MFAP1: variants seen among roughly 807,000 people sequenced by gnomAD.
The protein encoded by MFAP1 is microfibrillar-associated protein 1.
MFAP1 carries 18 observed loss-of-function variants against 62.2 expected under a neutral mutation model. The observed-to-expected ratio is 0.29, with a 90% CI of 0.20 to 0.43. MFAP1 has a LOEUF of 0.43. Among genes scored for constraint, MFAP1 ranks in the 20% least tolerant of loss-of-function variants. The pLI, the probability that MFAP1 is intolerant of heterozygous loss-of-function variation, is 1.00. For missense variants in MFAP1, 355 were observed against 559.7 expected (o/e 0.63, Z 3.69); for synonymous variants, 175 against 180.4 (o/e 0.97, Z 0.24).
At chr15:43,806,746 C>A (rs1286703323) in intron 7 of MFAP1, among the ~76,000 whole-genome samples, 1 of 152,156 alleles carries the variant, frequency 6.6e-6, no homozygotes, top group Non-Finnish European at 1.5e-5. Flanking sequence ...GTGGCGCGCA[C>A]CTGTAATCTC....
intron 4 of MFAP1, 149 bp from the exon 5 acceptor site, chr15:43,813,506 G>GT: frequency 9.8e-6 from 5 of 512,436 alleles, no homozygotes; most frequent in South Asian, 6.0e-5. Flanking sequence ...GTCATCCCAG[G>GT]TCTTTTTTTT....
intron 1 of MFAP1, among the ~76,000 whole-genome samples, chr15:43,820,134 G>A (rs762817456): frequency 1.3e-5 from 2 of 151,794 alleles, no homozygotes; most frequent in African/African-American, 2.4e-5. Context: ...GCAAGAGAGC[G>A]AGACTCCGTC....
At chr15:43,809,353 G>C (rs1043472135) in intron 7 of MFAP1, among the ~76,000 whole-genome samples, 1 of 141,512 alleles carries the variant, frequency 7.1e-6, no homozygotes, top group Non-Finnish European at 1.5e-5. Context: ...AAAAAAAAAA[G>C]CCAGGCATGG....
intron 1 of MFAP1, among the ~76,000 whole-genome samples, chr15:43,820,652 G>A (rs1222701588): frequency 6.6e-6 from 1 of 152,080 alleles, no homozygotes; most frequent in Non-Finnish European, 1.5e-5. Context: ...GTTGCCTAGG[G>A]TGGAGTGCGG....
At chr15:43,821,823 CAATAT>C (rs777755532) in intron 1 of MFAP1, among the ~76,000 whole-genome samples, 1 of 151,818 alleles carries the variant, frequency 6.6e-6, no homozygotes, top group Non-Finnish European at 1.5e-5. Context: ...AAAACCTTTA[CAATAT>C]GAGTATCTGT....
chr15:43,820,030 C>T (rs2087457985), intron 1 of MFAP1, among the ~76,000 whole-genome samples: 1 of 152,230 alleles, frequency 6.6e-6, no homozygotes, highest in African/African-American at 2.4e-5. Flanking sequence ...TGCCTGTAGT[C>T]CCAGCTACTT....
At chr15:43,810,766 T>C (rs760032520) in intron 6 of MFAP1, among the ~76,000 whole-genome samples, 1 of 145,856 alleles carries the variant, frequency 6.9e-6, no homozygotes, top group Non-Finnish European at 1.5e-5. Context: ...TACAATTTTA[T>C]ATTTTTTTGA....
intron 6 of MFAP1, 33 bp downstream of exon 6, chr15:43,812,954 C>G: frequency 6.2e-7 from 1 of 1,608,688 alleles, no homozygotes; most frequent in Non-Finnish European, 8.5e-7. Context: ...GTTCCATTAG[C>G]AGCATTAACT....
chr15:43,808,044 G>A (rs1415950516), intron 7 of MFAP1, among the ~76,000 whole-genome samples: 1 of 152,174 alleles, frequency 6.6e-6, no homozygotes, highest in Non-Finnish European at 1.5e-5. Context: ...GGAGGCTGAG[G>A]CAGGAGGACT....
intron 5 of MFAP1, 48 bp from the exon 6 acceptor site, chr15:43,813,195 C>A (rs766158910): frequency 6.2e-6 from 10 of 1,614,098 alleles, no homozygotes; most frequent in Non-Finnish European, 7.6e-6. Flanking sequence ...TCTCCTCAGA[C>A]AAACCTGATT....
chr15:43,809,827 G>A lies in MFAP1; in HGVS notation c.975C>T (p.Val325=). ...TGCCCTTAACAGCTTTGTTGGTAAT[G>A]ACTTTGCCGTTTGCCCGAAGTTCAG... ...RRAELRANGK[V]ITNKAVKGKY... The change falls in exon 7 of 9, where the codon GTC becomes GTT. Residue 325 remains valine, a synonymous_variant. Transcript: ENST00000267812. The A allele has an allele frequency of 6.2e-7, 1 of 1,614,170 alleles. No individual in the cohort carries two copies. Among genetic ancestry groups the A allele is most frequent in the South Asian group, 1.1e-5 (1 of 91,072 alleles).
chr15:43,806,141 G>T (rs150957365), intron 7 of MFAP1, among the ~76,000 whole-genome samples: 1 of 151,838 alleles, frequency 6.6e-6, no homozygotes, highest in Admixed American at 6.6e-5. Context: ...GAGTGTAGAC[G>T]TGTCTTGAAG....
chr15:43,812,582 G>A (rs920419512), intron 6 of MFAP1, among the ~76,000 whole-genome samples: 1 of 152,164 alleles, frequency 6.6e-6, no homozygotes, highest in Non-Finnish European at 1.5e-5. Flanking sequence ...CCAGCTGGAT[G>A]CAACTACATA....
rs1171478597 is a variant in MFAP1 at position 43,813,137 on chromosome 15, T to G, written c.737A>C (p.Glu246Ala). 1 of 1,614,074 alleles carries G rather than the reference T, an allele frequency of 6.2e-7. No homozygotes were observed. The highest frequency in any genetic ancestry group is 8.5e-7 in the Non-Finnish European group (1 of 1,180,040). Residue 246 changes from glutamate to alanine, a missense_variant, in exon 6 of 9, where the codon GAG becomes GCG. Around this residue, in one of 6 missense-constraint regions of MFAP1, gnomAD observed 257 missense variants for 341.3 expected, o/e 0.75. Transcript: ENST00000267812. ...CTCTTCCAGCTCTTTTTTGGTTTCCTCTTCGACAATCTGGATAGGGAGAAC... is the reference window on the plus strand; with the variant it reads ...CTCTTCCAGCTCTTTTTTGGTTTCCGCTTCGACAATCTGGATAGGGAGAAC... ...RRKYTLKIVEEETKKELEENK... is the reference protein window; with the variant it reads ...RRKYTLKIVEAETKKELEENK...
Position 43,813,278 on chromosome 15 carries a change from C to T in MFAP1, c.697G>A (p.Ala233Thr), listed in dbSNP as rs1251724012. The T allele has an allele frequency of 1.2e-6, 2 of 1,613,402 alleles. No homozygotes were observed. Among genetic ancestry groups the T allele is most frequent in the East Asian group, 4.5e-5 (2 of 44,886 alleles). Residue 233 changes from alanine (A) to threonine (T), a missense_variant, in exon 5 of 9, where the codon GCT (alanine) becomes ACT (threonine). Around this residue, in one of 6 missense-constraint regions of MFAP1, gnomAD observed 257 missense variants for 341.3 expected, o/e 0.75. Coordinates refer to ENST00000267812, the MANE Select transcript of MFAP1 (RefSeq NM_005926.3). ...KELEQEAKRMAEERRKYTLKI... is the reference protein window; with the variant it reads ...KELEQEAKRMTEERRKYTLKI... Reference sequence around the variant, plus strand: ...AGTGTGTACTTGCGCCTTTCCTCAGCCATGCGTTTTGCTTCCTGCTCCAGC... The same window carrying T: ...AGTGTGTACTTGCGCCTTTCCTCAGTCATGCGTTTTGCTTCCTGCTCCAGC...
chr15:43,817,487 T>C lies in MFAP1; in HGVS notation c.80-39A>G, dbSNP rs778206644. 4 of 1,606,288 alleles carry C rather than the reference T, an allele frequency of 2.5e-6. No individual in the cohort carries two copies. The Admixed American group carries it at 6.7e-5, about 27-fold the overall frequency. ...GTAACTTATGTTTCAGTAGCCTCTT[T>C]CTCAATGTGCTTCAACCCATCACGG... On this transcript the variant is annotated intron_variant, in intron 1 of 8. Coordinates refer to ENST00000267812, the MANE Select transcript of MFAP1 (RefSeq NM_005926.3).
In MFAP1 at chr15:43,817,211, C is replaced by T. The variant is rs747394287; in HGVS notation, c.299+18G>A. 3.1e-6 allele frequency: 5 copies of T among 1,609,468 alleles called. No homozygotes were observed. Among genetic ancestry groups the T allele is most frequent in the Non-Finnish European group, 3.4e-6 (4 of 1,177,442 alleles). On this transcript the variant is annotated intron_variant, in intron 2 of 8. Transcript: ENST00000267812. ...CTGTAGAGGTTCATGTTCAAGTAAACACAATCACAGACATTACCTCTCTTC... is the reference window on the plus strand; with the variant it reads ...CTGTAGAGGTTCATGTTCAAGTAAATACAATCACAGACATTACCTCTCTTC...
intron 1 of MFAP1, among the ~76,000 whole-genome samples, chr15:43,819,938 G>A (rs2087457435): frequency 6.6e-6 from 1 of 152,176 alleles, no homozygotes; most frequent in African/African-American, 2.4e-5. Flanking sequence ...ACAACGTCAG[G>A]AAATTGAGAA....
intron 3 of MFAP1, 115 bp downstream of exon 3, chr15:43,814,830 T>C (rs1042876602): frequency 1.3e-6 from 2 of 1,502,540 alleles, no homozygotes; most frequent in Non-Finnish European, 1.8e-6. Flanking sequence ...ACAAGGAACA[T>C]GATCAGAGTC....
Sources: gnomAD v4.1 joint callset for allele counts (sites outside exome capture counted in the v4.1 genomes callset) on GRCh38, gnomAD v4.1.1 for gene constraint, gnomAD v4.1.1 regional missense constraint, MANE v1.5 for transcripts, NCBI Gene and HGNC (gene_info 2026-07-23, HGNC 2026-07-21) for gene names.